The following CDH23 variants were observed in gnomAD, a reference collection of about 807,000 sequenced individuals.
CDH23 encodes the protein cadherin related 23.
A neutral mutation model predicts 317.1 loss-of-function variants in CDH23; 189 were observed. The ratio of observed to expected loss-of-function variants is 0.60; its 90% confidence interval spans 0.53 to 0.67. The LOEUF (loss-of-function observed/expected upper bound fraction) is 0.67, where lower values mean the gene tolerates loss of function less well. CDH23 is among the 30% of genes least tolerant of loss of function. The probability of loss-of-function intolerance (pLI) is 0.00; values close to 1 mark genes in which losing one functional copy is unlikely to be tolerated. For missense variants in CDH23, 4,401 were observed against 4,592.4 expected (o/e 0.96, Z 1.20); for synonymous variants, 1,839 against 1,876.8 (o/e 0.98, Z 0.52).
At chr10:71,747,046 C>G (rs1287442785) in intron 38 of CDH23, among the ~76,000 whole-genome samples, 1 of 152,160 alleles carries the variant, frequency 6.6e-6, no homozygotes, top group Non-Finnish European at 1.5e-5. Flanking sequence ...CTCTGTGGCA[C>G]CAAGAAGGCT....
intron 38 of CDH23, chr10:71,747,658 T>C (rs1040741240): frequency 3.3e-5 from 5 of 152,266 alleles, no homozygotes; most frequent in African/African-American, 9.6e-5. Context: ...CTCCCAGGAT[T>C]TTCAGGGAAG....
At chr10:71,438,347 C>CAAA (rs10596696) in intron 1 of CDH23, among the ~76,000 whole-genome samples, 101 of 98,338 alleles carry the variant, frequency 1.0e-3, no homozygotes, top group African/African-American at 2.5e-3. Context: ...CTGTCTCAAA[C>CAAA]AAAAAAAAAA....
chr10:71,537,597 G>A (rs576861555), intron 6 of CDH23, among the ~76,000 whole-genome samples: 4 of 152,292 alleles, frequency 2.6e-5, no homozygotes, highest in Middle Eastern at 6.8e-3. Context: ...TGTCCAAGGA[G>A]CCCAGTGATG....
At position 71,784,986 on chromosome 10, in the gene CDH23, C is replaced by T; in HGVS notation, c.5598C>T (p.Val1866=). ...TCACCATCAGCGAGAACAGCCCTGT[C>T]TCCAGCTTTGTCGCCCATGTCCTGG... ...MNITISENSP[V]SSFVAHVLAS... The change falls in exon 43 of 70, where the codon GTC becomes GTT. Residue 1866 remains valine, a synonymous_variant. Coordinates refer to ENST00000224721, the MANE Select transcript of CDH23 (RefSeq NM_022124.6). 6.2e-7 allele frequency: 1 copy of T among 1,614,080 alleles called. No individual in the cohort carries two copies.
intron 38 of CDH23, among the ~76,000 whole-genome samples, chr10:71,747,355 G>C (rs1426913966): frequency 1.3e-5 from 2 of 152,212 alleles, no homozygotes; most frequent in African/African-American, 4.8e-5. Context: ...TCTGGACCCA[G>C]AAGAAGGCCC....
rs762613557 is a variant in CDH23, at chr10:71,778,253, T to C, written c.5132T>C (p.Val1711Ala). ...AGCCACGGCCGCTACACCCTGATCGTCACTGCCACAGACCAGTGCCCCATC... is the reference window on the plus strand; with the variant it reads ...AGCCACGGCCGCTACACCCTGATCGCCACTGCCACAGACCAGTGCCCCATC... ...EISHGRYTLI[V>A]TATDQCPILS... Residue 1711 changes from valine to alanine, a missense_variant, in exon 40 of 70, where the codon GTC (valine) becomes GCC (alanine). This residue lies in a region of CDH23 where 3,068 missense variants were observed against 3,203.3 expected (regional missense o/e 0.96). Coordinates refer to ENST00000224721, the MANE Select transcript of CDH23 (RefSeq NM_022124.6). 1.5e-5 allele frequency: 25 copies of C among 1,613,630 alleles called. No individual in the cohort carries two copies. Among genetic ancestry groups the C allele is most frequent in the South Asian group, 4.4e-5 (4 of 91,070 alleles).
At chr10:71,656,032 C>G (rs1863402290) in intron 14 of CDH23, among the ~76,000 whole-genome samples, 1 of 152,150 alleles carries the variant, frequency 6.6e-6, no homozygotes, top group Admixed American at 6.5e-5. Context: ...TTCTCATACT[C>G]TCTCCAGACC....
Position 71,404,735 on chromosome 10 carries a change from G to A in CDH23, c.-6+7417G>A, listed in dbSNP as rs1309107196. On this transcript the variant is annotated intron_variant, in intron 1 of 69. Coordinates refer to ENST00000224721, the MANE Select transcript of CDH23 (RefSeq NM_022124.6). ...CTGGCCCTGCAATCAGCCACCCAGA[G>A]CCTGCCACAGGCCAATCAGCCGAAG... is the stretch of plus-strand genomic sequence containing the variant. Among the ~76,000 whole-genome samples, 7 of 152,260 alleles carry A rather than the reference G, an allele frequency of 4.6e-5. No homozygotes were observed. The East Asian group carries it at 1.2e-3, about 25-fold the overall frequency.
intron 14 of CDH23, among the ~76,000 whole-genome samples, chr10:71,651,055 G>A (rs1474909230): frequency 6.6e-6 from 1 of 152,200 alleles, no homozygotes; most frequent in Non-Finnish European, 1.5e-5. Context: ...TAGTCTTCCA[G>A]GAAAACTGGA....
chr10:71,644,542 C>A (rs532902299), intron 12 of CDH23, among the ~76,000 whole-genome samples: 85 of 152,296 alleles, frequency 5.6e-4, no homozygotes, highest in African/African-American at 1.7e-3. Context: ...CTGCCCTGAG[C>A]GGGATGGGAA....
At chr10:71,560,245 T>C (rs1235206979) in intron 6 of CDH23, among the ~76,000 whole-genome samples, 1 of 152,194 alleles carries the variant, frequency 6.6e-6, no homozygotes, top group Admixed American at 6.5e-5. Context: ...CAGGAGCCCA[T>C]GTTCAGAAAG....
intron 38 of CDH23, chr10:71,762,060 T>C (rs760473215): frequency 1.9e-6 from 3 of 1,559,500 alleles, no homozygotes. Context: ...GTCACCTGAC[T>C]GATCCAGTGC....
At chr10:71,800,277 C>T (rs1432813261) in intron 52 of CDH23, among the ~76,000 whole-genome samples, 1 of 152,184 alleles carries the variant, frequency 6.6e-6, no homozygotes, top group African/African-American at 2.4e-5. Context: ...CTGCTCTGTC[C>T]ACATCTTCTG....
chr10:71,660,939 T>C (rs1056158064), intron 14 of CDH23, among the ~76,000 whole-genome samples: 1 of 152,228 alleles, frequency 6.6e-6, no homozygotes, highest in Non-Finnish European at 1.5e-5. Context: ...GGTGCCAAGC[T>C]GCGCTCCTGT....
intron 34 of CDH23, among the ~76,000 whole-genome samples, chr10:71,738,015 C>T (rs1401495467): frequency 1.3e-5 from 2 of 152,200 alleles, no homozygotes; most frequent in East Asian, 1.9e-4. Flanking sequence ...AAGACACCTT[C>T]GGGCAATATC....
At chr10:71,404,098 A>G (rs1847985959) in intron 1 of CDH23, among the ~76,000 whole-genome samples, 1 of 152,218 alleles carries the variant, frequency 6.6e-6, no homozygotes. Context: ...TCTCAAAAAA[A>G]TAAATAAATA....
chr10:71,432,308 ATGTG>A (rs1171344494), intron 1 of CDH23, among the ~76,000 whole-genome samples: 2 of 120,406 alleles, frequency 1.7e-5, no homozygotes, highest in Non-Finnish European at 3.4e-5. Context: ...GAGTGTGTGA[ATGTG>A]TGGGTGTGTG....
At chr10:71,601,991 C>T (rs921289463) in intron 9 of CDH23, among the ~76,000 whole-genome samples, 1 of 149,286 alleles carries the variant, frequency 6.7e-6, no homozygotes, top group Non-Finnish European at 1.5e-5. Context: ...CCCCAGGGGA[C>T]CCCTCAAGGT....
chr10:71,741,060 T>A (rs1839720798), intron 37 of CDH23, 110 bp downstream of exon 37: 3 of 1,281,072 alleles, frequency 2.3e-6, no homozygotes, highest in Non-Finnish European at 3.4e-6. Flanking sequence ...GTCCCTCAGA[T>A]CTCATGGATG....
Sources: allele counts gnomAD v4.1 joint callset (sites outside exome capture counted in the v4.1 genomes callset), GRCh38; gene constraint gnomAD v4.1.1; regional missense constraint gnomAD v4.1.1; transcripts MANE v1.5; gene names NCBI Gene and HGNC (gene_info 2026-07-23, HGNC 2026-07-21).